COL24A1: variants seen among roughly 807,000 people sequenced by gnomAD.
COL24A1 encodes the protein collagen alpha-1(XXIV) chain.
Under a neutral mutation model 253.9 loss-of-function variants are expected in COL24A1, and 224 were observed. The ratio of observed to expected loss-of-function variants is 0.88; its 90% CI spans 0.79 to 0.99. The LOEUF (loss-of-function observed/expected upper bound fraction) is 0.99. COL24A1 is among the 50% of genes least tolerant of loss of function. The pLI is 0.00. For synonymous variants in COL24A1, 685 were observed against 673.7 expected (o/e 1.02, Z -0.26); for missense variants, 2,131 against 2,068.5 (o/e 1.03, Z -0.59).
At chr1:85,904,765 T>C (rs1684643131) in intron 28 of COL24A1, among the ~76,000 whole-genome samples, 1 of 152,144 alleles carries the variant, frequency 6.6e-6, no homozygotes, top group South Asian at 2.1e-4. Flanking sequence ...CATTATTATT[T>C]GTTTGGGGTT....
chr1:85,740,932 A>C (rs1455483456), intron 57 of COL24A1, among the ~76,000 whole-genome samples: 2 of 120,122 alleles, frequency 1.7e-5, no homozygotes, highest in East Asian at 2.4e-4. Context: ...AGACGGTGAA[A>C]CCCTGTCTCT....
rs1012327967 is a variant in COL24A1, at chr1:85,829,921, T to C, written c.3682-6183A>G. ...ATCGTCTGAAGCCTTCTTCTCTGAGTTCATCAAAGTCATTCTCCTTCCAGC... is the reference window on the plus strand; with the variant it reads ...ATCGTCTGAAGCCTTCTTCTCTGAGCTCATCAAAGTCATTCTCCTTCCAGC... On this transcript the variant is annotated intron_variant, in intron 43 of 59. Coordinates refer to ENST00000370571, the MANE Select transcript of COL24A1 (RefSeq NM_152890.7). Among the ~76,000 whole-genome samples, 6 of 152,098 alleles carry C rather than the reference T, an allele frequency of 3.9e-5. 1 individual carries two copies. Among genetic ancestry groups the C allele is most frequent in the Non-Finnish European group, 8.8e-5 (6 of 68,012 alleles).
chr1:86,040,940 T>C (rs1293508944), intron 12 of COL24A1, among the ~76,000 whole-genome samples: 1 of 152,214 alleles, frequency 6.6e-6, no homozygotes, highest in Non-Finnish European at 1.5e-5. Flanking sequence ...GATGCTACTA[T>C]GCAATATGTA....
At chr1:86,106,221 C>A (rs908950924) in intron 5 of COL24A1, among the ~76,000 whole-genome samples, 3 of 151,930 alleles carry the variant, frequency 2.0e-5, no homozygotes, top group East Asian at 3.8e-4. Context: ...GATAAATACA[C>A]GATGGAGACA....
chr1:85,837,237 G>T (rs1442653459), intron 43 of COL24A1, among the ~76,000 whole-genome samples: 2 of 152,040 alleles, frequency 1.3e-5, no homozygotes, highest in Admixed American at 1.3e-4. Flanking sequence ...CATATAACCT[G>T]CTAAAAATGT....
At chr1:85,733,333 G>A (rs899733542) in intron 59 of COL24A1, among the ~76,000 whole-genome samples, 1 of 152,020 alleles carries the variant, frequency 6.6e-6, no homozygotes, top group Non-Finnish European at 1.5e-5. Context: ...TCTCTAAAGG[G>A]CCAGATAGTA....
At chr1:86,100,354 AT>A (rs1446360194) in intron 5 of COL24A1, among the ~76,000 whole-genome samples, 1 of 152,138 alleles carries the variant, frequency 6.6e-6, no homozygotes, top group African/African-American at 2.4e-5. Context: ...TTTATCAACT[AT>A]TTTGTTATCC....
At chr1:85,787,238 G>A (rs1234349704) in intron 47 of COL24A1, among the ~76,000 whole-genome samples, 3 of 151,524 alleles carry the variant, frequency 2.0e-5, no homozygotes, top group East Asian at 1.9e-4. Context: ...GGGTACATGC[G>A]CAGGATGTGC....
At chr1:85,870,480 A>C (rs1680337572) in intron 35 of COL24A1, among the ~76,000 whole-genome samples, 1 of 152,252 alleles carries the variant, frequency 6.6e-6, no homozygotes, top group African/African-American at 2.4e-5. Flanking sequence ...AAAAGAACAG[A>C]AATTATAACA....
chr1:85,907,216 C>T lies in COL24A1; in HGVS notation c.2756G>A (p.Ser919Asn), dbSNP rs1206523669. ...GHVGARGPPG[S>N]QGPKGQRGSR... ...TACTCTTTGTCCTTTAGGACCTTGACTCCCAGGTGGTCCTCTTGCCCCCAC... is the reference window on the plus strand; with the variant it reads ...TACTCTTTGTCCTTTAGGACCTTGATTCCCAGGTGGTCCTCTTGCCCCCAC... The change falls in exon 28 of 60, where the codon AGT becomes AAT. Residue 919 changes from serine to asparagine, a missense_variant. Ser to Asn is a conservative substitution (Grantham distance 46, BLOSUM62 1). Coordinates refer to ENST00000370571, the MANE Select transcript of COL24A1 (RefSeq NM_152890.7). 2 of 1,611,418 alleles carry T rather than the reference C, an allele frequency of 1.2e-6. No homozygotes were observed. Among genetic ancestry groups the T allele is most frequent in the Middle Eastern group, 1.7e-4 (1 of 6,044 alleles).
At chr1:86,118,629 G>A (rs1173595570) in intron 3 of COL24A1, among the ~76,000 whole-genome samples, 2 of 152,042 alleles carry the variant, frequency 1.3e-5, no homozygotes, top group African/African-American at 4.8e-5. Context: ...TACATTAACA[G>A]ATAAATACAT....
chr1:85,949,960 T>C (rs1471088163), intron 24 of COL24A1, among the ~76,000 whole-genome samples: 1 of 152,154 alleles, frequency 6.6e-6, no homozygotes, highest in Non-Finnish European at 1.5e-5. Flanking sequence ...TATATATTGG[T>C]TCTCTCATGA....
chr1:85,794,088 C>A (rs1313909397), intron 47 of COL24A1, among the ~76,000 whole-genome samples: 1 of 151,940 alleles, frequency 6.6e-6, no homozygotes, highest in African/African-American at 2.4e-5. Context: ...AGATGTAGAT[C>A]GTGTGAGAAT....
chr1:86,019,835 G>T (rs886647067), intron 18 of COL24A1, among the ~76,000 whole-genome samples: 1 of 151,736 alleles, frequency 6.6e-6, no homozygotes, highest in Non-Finnish European at 1.5e-5. Context: ...CTTGCTCCCT[G>T]CCCTAAAAGA....
At chr1:85,734,222 G>GA (rs931282441) in intron 59 of COL24A1, among the ~76,000 whole-genome samples, 2 of 151,632 alleles carry the variant, frequency 1.3e-5, no homozygotes, top group African/African-American at 2.4e-5. Context: ...AATTTTAATG[G>GA]AAAAAAAATA....
intron 2 of COL24A1, among the ~76,000 whole-genome samples, chr1:86,130,325 G>A (rs1286546643): frequency 2.0e-5 from 3 of 151,792 alleles, no homozygotes; most frequent in Non-Finnish European, 2.9e-5. Context: ...TTCTTTGAAT[G>A]TATAAACTAA....
intron 3 of COL24A1, among the ~76,000 whole-genome samples, chr1:86,116,782 C>G (rs1324161823): frequency 6.6e-6 from 1 of 151,974 alleles, no homozygotes; most frequent in Non-Finnish European, 1.5e-5. Flanking sequence ...TTTTCTCTTA[C>G]CCCCTAAATT....
chr1:85,757,367 G>GA (rs1666374911), intron 55 of COL24A1, among the ~76,000 whole-genome samples: 1 of 151,948 alleles, frequency 6.6e-6, no homozygotes, highest in African/African-American at 2.4e-5. Context: ...TAAAAAAACT[G>GA]AAAAAAAGAT....
chr1:85,948,317 G>T (rs567874095), intron 24 of COL24A1, among the ~76,000 whole-genome samples: 4 of 151,750 alleles, frequency 2.6e-5, no homozygotes, highest in African/African-American at 9.7e-5. Flanking sequence ...GAGGTCAGGA[G>T]ATCGAGACCA....
Sources: gnomAD v4.1 joint callset for allele counts (sites outside exome capture counted in the v4.1 genomes callset) on GRCh38, gnomAD v4.1.1 for gene constraint, MANE v1.5 for transcripts, NCBI Gene and HGNC (gene_info 2026-07-23, HGNC 2026-07-21) for gene names.